Variants in CFAP61 observed in about 807,000 individuals in gnomAD.
The protein encoded by CFAP61 is cilia and flagella associated protein 61.
Under a neutral mutation model 135.6 loss-of-function variants are expected in CFAP61, and 107 were observed. The ratio of observed to expected loss-of-function variants is 0.79; its 90% CI spans 0.67 to 0.93. CFAP61 has a LOEUF of 0.93. Among genes scored for constraint, CFAP61 ranks in the 40% least tolerant of loss-of-function variants. The pLI, the probability that CFAP61 is intolerant of heterozygous loss-of-function variation, is 0.00. For synonymous variants in CFAP61, 575 were observed against 578.5 expected (o/e 0.99, Z 0.09); for missense variants, 1,507 against 1,556.2 (o/e 0.97, Z 0.53).
At chr20:20,054,048 T>C (rs1350279293) in intron 1 of CFAP61, among the ~76,000 whole-genome samples, 1 of 150,224 alleles carries the variant, frequency 6.7e-6, no homozygotes, top group Non-Finnish European at 1.5e-5. Flanking sequence ...AAAAATGTAT[T>C]ATCCTTCTTA....
chr20:20,283,714 G>A (rs1249267219), intron 22 of CFAP61, among the ~76,000 whole-genome samples: 5 of 152,190 alleles, frequency 3.3e-5, no homozygotes, highest in Non-Finnish European at 5.9e-5. Context: ...TTGCAGCTGA[G>A]GACAGAGGTC....
chr20:20,189,774 T>C (rs1425067900), intron 14 of CFAP61, among the ~76,000 whole-genome samples: 3 of 152,112 alleles, frequency 2.0e-5, no homozygotes, highest in African/African-American at 7.2e-5. Flanking sequence ...ATTTTGGCTG[T>C]TTATTTTTTT....
At chr20:20,141,062 G>A (rs537481202) in intron 8 of CFAP61, among the ~76,000 whole-genome samples, 2 of 152,104 alleles carry the variant, frequency 1.3e-5, no homozygotes, top group Admixed American at 6.5e-5. Context: ...GGGATTACAG[G>A]TGTGCACCAC....
intron 1 of CFAP61, chr20:20,052,885 C>G (rs1192984639): frequency 3.0e-6 from 2 of 662,230 alleles, no homozygotes; most frequent in African/African-American, 3.7e-5. Context: ...GGTCCACGCC[C>G]CCTCGTTTCT....
chr20:20,357,234 TGC>T (rs2059245293), intron 26 of CFAP61, among the ~76,000 whole-genome samples: 4 of 55,300 alleles, frequency 7.2e-5, no homozygotes, highest in Non-Finnish European at 1.2e-4. Context: ...GGGGTCATAC[TGC>T]GAGTGGAGGT....
At chr20:20,253,880 C>T (rs533058356) in intron 20 of CFAP61, 11 of 173,426 alleles carry the variant, frequency 6.3e-5, no homozygotes, top group East Asian at 3.7e-4. Flanking sequence ...AACAAGCTCC[C>T]GGGTGAGGCC....
intron 7 of CFAP61, among the ~76,000 whole-genome samples, chr20:20,091,792 C>T (rs920604262): frequency 2.0e-5 from 3 of 152,174 alleles, no homozygotes; most frequent in Non-Finnish European, 4.4e-5. Flanking sequence ...ATTCTCCTGC[C>T]TCAGCCTCCC....
intron 8 of CFAP61, among the ~76,000 whole-genome samples, chr20:20,125,279 T>G (rs961528421): frequency 6.6e-6 from 1 of 151,828 alleles, no homozygotes; most frequent in African/African-American, 2.4e-5. Context: ...GGTTTGTTCT[T>G]CTTTCTCTAG....
chr20:20,152,109 C>G (rs373554111), intron 9 of CFAP61, among the ~76,000 whole-genome samples: 1 of 152,020 alleles, frequency 6.6e-6, no homozygotes, highest in African/African-American at 2.4e-5. Flanking sequence ...TTGTATCCAG[C>G]AAAACTAGCT....
intron 9 of CFAP61, among the ~76,000 whole-genome samples, chr20:20,150,214 A>G (rs763892371): frequency 7.9e-5 from 12 of 151,642 alleles, no homozygotes; most frequent in Non-Finnish European, 1.5e-4. Context: ...AGCCCTGCTC[A>G]AGGAGGGTCT....
rs375468875 is a variant in CFAP61 at position 20,341,936 on chromosome 20, T to C, written c.3513+15T>C. The C allele has an allele frequency of 2.7e-5, 42 of 1,538,338 alleles. No homozygotes were observed. Among genetic ancestry groups the C allele is most frequent in the Non-Finnish European group, 3.2e-5 (36 of 1,113,264 alleles). On this transcript the variant is annotated intron_variant, in intron 26 of 26. Coordinates refer to ENST00000245957, the MANE Select transcript of CFAP61 (RefSeq NM_015585.4). ...CCTCCAAGGAGGTAAGAGTGATTAATGGATATGTGGATTATTCCTTGCAAA... is the reference window on the plus strand; with the variant it reads ...CCTCCAAGGAGGTAAGAGTGATTAACGGATATGTGGATTATTCCTTGCAAA...
intron 17 of CFAP61, among the ~76,000 whole-genome samples, chr20:20,203,510 A>G (rs182302075): frequency 1.3e-5 from 2 of 152,316 alleles, no homozygotes; most frequent in East Asian, 1.9e-4. Context: ...CACAGTAGGT[A>G]TCGATGTTTA....
chr20:20,195,994 T>C (rs141051205), intron 15 of CFAP61, among the ~76,000 whole-genome samples: 2 of 152,098 alleles, frequency 1.3e-5, no homozygotes, highest in African/African-American at 2.4e-5. Context: ...GGTGGGAGGA[T>C]CTCTTGAACC....
intron 20 of CFAP61, among the ~76,000 whole-genome samples, chr20:20,254,446 C>T (rs1342137957): frequency 1.3e-5 from 2 of 151,892 alleles, no homozygotes; most frequent in Non-Finnish European, 2.9e-5. Flanking sequence ...CCCAGAGCCT[C>T]GGGCATCTGC....
chr20:20,259,915 TCTG>T (rs11468137), intron 20 of CFAP61: 70,327 of 151,728 alleles, frequency 0.46, 17,155 homozygotes, highest in East Asian at 0.72. Flanking sequence ...TGAAAAGTTA[TCTG>T]CTGCTCTCCA....
chr20:20,246,105 C>G lies in CFAP61; in HGVS notation c.2061-12C>G. ...TAACTGCTTGTTCTTTTTCATTTTT[C>G]TTTTTCTTTAGCTCTCACATGAAGT... On this transcript the variant is annotated splice_polypyrimidine_tract_variant and intron_variant, in intron 18 of 26. Coordinates refer to ENST00000245957, the MANE Select transcript of CFAP61 (RefSeq NM_015585.4). 1 of 1,544,282 alleles carries G rather than the reference C, an allele frequency of 6.5e-7. No homozygotes were observed. The highest frequency in any genetic ancestry group is 8.9e-7 in the Non-Finnish European group (1 of 1,129,020).
chr20:20,352,905 A>G (rs1289893497), intron 26 of CFAP61, among the ~76,000 whole-genome samples: 1 of 152,234 alleles, frequency 6.6e-6, no homozygotes, highest in Non-Finnish European at 1.5e-5. Context: ...GACAGCCCAC[A>G]GACTGGGAGA....
At chr20:20,295,030 T>G (rs2055314617) in intron 24 of CFAP61, among the ~76,000 whole-genome samples, 5 of 151,790 alleles carry the variant, frequency 3.3e-5, no homozygotes, top group Admixed American at 2.6e-4. Context: ...GTGATGCTGA[T>G]GACAGACTCT....
At chr20:20,131,342 C>T (rs1235911855) in intron 8 of CFAP61, among the ~76,000 whole-genome samples, 6 of 151,088 alleles carry the variant, frequency 4.0e-5, no homozygotes, top group Admixed American at 6.6e-5. Flanking sequence ...TGTTATATAC[C>T]TATTTGTTAT....
Sources: gnomAD v4.1 joint callset for allele counts (sites outside exome capture counted in the v4.1 genomes callset) on GRCh38, gnomAD v4.1.1 for gene constraint, MANE v1.5 for transcripts, NCBI Gene and HGNC (gene_info 2026-07-23, HGNC 2026-07-21) for gene names.